The following CAB39 variants were observed in gnomAD, a reference collection of about 807,000 sequenced individuals.
The protein encoded by CAB39 is calcium binding protein 39.
CAB39 carries 8 observed loss-of-function variants against 40.0 expected under a neutral mutation model. The observed-to-expected ratio is 0.20, with a 90% CI of 0.12 to 0.36. CAB39 has a LOEUF of 0.36. Among genes scored for constraint, CAB39 ranks in the 10% least tolerant of loss-of-function variants. CAB39 has a pLI of 1.00. For missense variants in CAB39, 270 were observed against 401.1 expected (o/e 0.67, Z 2.79); for synonymous variants, 156 against 141.6 (o/e 1.10, Z -0.72).
intron 2 of CAB39, among the ~76,000 whole-genome samples, chr2:230,766,679 C>T (rs1695391942): frequency 6.6e-6 from 1 of 152,234 alleles, no homozygotes; most frequent in African/African-American, 2.4e-5. Flanking sequence ...CAAGCATGTG[C>T]CACCATGTTT....
intron 1 of CAB39, among the ~76,000 whole-genome samples, chr2:230,746,092 A>G (rs907244440): frequency 4.6e-5 from 7 of 152,188 alleles, no homozygotes. Context: ...TTAAAATTAC[A>G]TTTTTATGTT....
At chr2:230,753,280 C>T (rs1695121452) in intron 1 of CAB39, among the ~76,000 whole-genome samples, 1 of 152,034 alleles carries the variant, frequency 6.6e-6, no homozygotes, top group Non-Finnish European at 1.5e-5. Context: ...GTTAACAGCC[C>T]CCCACATACC....
At chr2:230,775,158 C>CAA (rs199566024) in intron 2 of CAB39, among the ~76,000 whole-genome samples, 4 of 148,966 alleles carry the variant, frequency 2.7e-5, no homozygotes, top group African/African-American at 9.9e-5. Flanking sequence ...TAAAGAAACT[C>CAA]AAAAAAAACA....
chr2:230,750,139 C>T (rs975123554), intron 1 of CAB39, among the ~76,000 whole-genome samples: 26 of 152,102 alleles, frequency 1.7e-4, no homozygotes, highest in African/African-American at 5.8e-4. Context: ...AAATATGTGC[C>T]ATCTATGGTT....
intron 5 of CAB39, among the ~76,000 whole-genome samples, chr2:230,804,888 C>T (rs1228789663): frequency 6.6e-6 from 1 of 152,170 alleles, no homozygotes; most frequent in Non-Finnish European, 1.5e-5. Context: ...CCAGTGATCC[C>T]ATTACTGGGT....
At chr2:230,720,773 G>A (rs1333857210) in intron 1 of CAB39, among the ~76,000 whole-genome samples, 7 of 152,184 alleles carry the variant, frequency 4.6e-5, no homozygotes, top group African/African-American at 1.7e-4. Flanking sequence ...GCCTCAAGGA[G>A]CTCAGTAAAC....
At chr2:230,748,831 AATATATATATATATATATAT>A (rs71052546) in intron 1 of CAB39, among the ~76,000 whole-genome samples, 6 of 28,510 alleles carry the variant, frequency 2.1e-4, no homozygotes, top group East Asian at 2.9e-3. Flanking sequence ...AAAAAAAAAA[AATATATATATATATATATAT>A]ATATATATAT....
chr2:230,795,482 A>G (rs1695969858), intron 4 of CAB39, among the ~76,000 whole-genome samples: 1 of 152,160 alleles, frequency 6.6e-6, no homozygotes, highest in Non-Finnish European at 1.5e-5. Flanking sequence ...TTTAACTGGT[A>G]GATAGTTAGA....
intron 7 of CAB39, 62 bp downstream of exon 7, chr2:230,814,176 G>T: frequency 1.2e-6 from 1 of 828,860 alleles, no homozygotes; most frequent in Non-Finnish European, 2.0e-6. Context: ...TGTGGATTTG[G>T]GGAAAGGGAG....
intron 1 of CAB39, among the ~76,000 whole-genome samples, chr2:230,759,447 T>C (rs1406376157): frequency 6.6e-6 from 1 of 152,188 alleles, no homozygotes; most frequent in Non-Finnish European, 1.5e-5. Flanking sequence ...ATACTATCAA[T>C]TTGATGTACA....
At chr2:230,781,473 T>C (rs1457564865) in intron 2 of CAB39, among the ~76,000 whole-genome samples, 1 of 152,078 alleles carries the variant, frequency 6.6e-6, no homozygotes, top group Non-Finnish European at 1.5e-5. Context: ...GGAGCTCAAG[T>C]AGAGAAAGAT....
At chr2:230,742,905 T>G (rs1237584017) in intron 1 of CAB39, among the ~76,000 whole-genome samples, 1 of 152,014 alleles carries the variant, frequency 6.6e-6, no homozygotes, top group Non-Finnish European at 1.5e-5. Context: ...TGGCCTAAGT[T>G]TTTGGTATGA....
At chr2:230,752,843 T>C (rs1695114290) in intron 1 of CAB39, among the ~76,000 whole-genome samples, 2 of 152,078 alleles carry the variant, frequency 1.3e-5, no homozygotes, top group South Asian at 4.1e-4. Flanking sequence ...CCAAGTTTAG[T>C]GATGGAGTGA....
At chr2:230,730,756 A>T (rs1303685005) in intron 1 of CAB39, among the ~76,000 whole-genome samples, 1 of 152,152 alleles carries the variant, frequency 6.6e-6, no homozygotes, top group East Asian at 1.9e-4. Context: ...GAAAACTTAT[A>T]TGAATATCCA....
rs1024182515 is a variant in CAB39, at chr2:230,717,437, C to G, written c.-44+4207C>G. On this transcript the variant is annotated intron_variant, in intron 1 of 8. Transcript: ENST00000258418. ...AGTGACTTTCCGACCGGATCCCAACCACTACTTTTTAAAAAATTCTCCTGC... is the reference window on the plus strand; with the variant it reads ...AGTGACTTTCCGACCGGATCCCAACGACTACTTTTTAAAAAATTCTCCTGC... Among the ~76,000 whole-genome samples, 4 of 152,146 alleles carry G rather than the reference C, an allele frequency of 2.6e-5. No individual in the cohort carries two copies. The South Asian group carries it at 8.3e-4, about 32-fold the overall frequency.
chr2:230,777,964 A>C (rs187896680), intron 2 of CAB39, among the ~76,000 whole-genome samples: 1 of 152,332 alleles, frequency 6.6e-6, no homozygotes, highest in African/African-American at 2.4e-5. Flanking sequence ...GCCCTCCAGT[A>C]AAGTTGTACC....
At chr2:230,773,312 A>ATATGTG (rs1176458406) in intron 2 of CAB39, among the ~76,000 whole-genome samples, 36 of 85,136 alleles carry the variant, frequency 4.2e-4, no homozygotes, top group African/African-American at 1.7e-3. Flanking sequence ...ATATATATAT[A>ATATGTG]TATGTGTGTG....
chr2:230,790,883 A>T lies in CAB39; in HGVS notation c.126A>T (p.Glu42Asp). The T allele has an allele frequency of 6.2e-7, 1 of 1,602,426 alleles. No homozygotes were observed. Among genetic ancestry groups the T allele is most frequent in the Non-Finnish European group, 8.5e-7 (1 of 1,176,912 alleles). The stretch of plus-strand genomic sequence containing the variant: ...CTCTCTAAAATTAGGCTACAGAAGA[A>T]GTTTCCAAAAATCTGGTTGCCATGA... Reference protein sequence around the residue: ...SDKKAEKATEEVSKNLVAMKE... With the variant: ...SDKKAEKATEDVSKNLVAMKE... The change falls in exon 3 of 9, where the codon GAA becomes GAT. Residue 42 changes from glutamate (E) to aspartate (D), a missense_variant. Coordinates refer to ENST00000258418, the MANE Select transcript of CAB39 (RefSeq NM_016289.4).
At chr2:230,724,948 G>A (rs1296053055) in intron 1 of CAB39, among the ~76,000 whole-genome samples, 4 of 151,904 alleles carry the variant, frequency 2.6e-5, no homozygotes, top group Admixed American at 1.3e-4. Flanking sequence ...GAAAAAGGAC[G>A]GGGGAGGCAT....
Sources: gnomAD v4.1 joint callset for allele counts (sites outside exome capture counted in the v4.1 genomes callset) on GRCh38, gnomAD v4.1.1 for gene constraint, MANE v1.5 for transcripts, NCBI Gene and HGNC (gene_info 2026-07-23, HGNC 2026-07-21) for gene names.